Variants in SLC25A26 observed in about 807,000 individuals in gnomAD.
The protein encoded by SLC25A26 is mitochondrial S-adenosylmethionine carrier protein.
A neutral mutation model predicts 37.8 loss-of-function variants in SLC25A26; 36 were observed. The observed-to-expected ratio is 0.95, with a 90% CI of 0.73 to 1.26. The LOEUF (loss-of-function observed/expected upper bound fraction) is 1.26. SLC25A26 is among the 50% of genes most tolerant of loss of function. The pLI, the probability that SLC25A26 is intolerant of heterozygous loss-of-function variation, is 0.00. For synonymous variants in SLC25A26, 129 were observed against 122.5 expected (o/e 1.05, Z -0.35); for missense variants, 390 against 331.1 (o/e 1.18, Z -1.38).
intron 1 of SLC25A26, among the ~76,000 whole-genome samples, chr3:66,202,740 C>T (rs1475006474): frequency 1.3e-5 from 2 of 151,912 alleles, no homozygotes; most frequent in East Asian, 3.9e-4. Context: ...TTAAAAAAAA[C>T]ATTTTAAAAT....
intron 1 of SLC25A26, among the ~76,000 whole-genome samples, chr3:66,211,737 T>C (rs1559578980): frequency 6.6e-6 from 1 of 152,248 alleles, no homozygotes; most frequent in Non-Finnish European, 1.5e-5. Flanking sequence ...TTCACAAGCA[T>C]TTCATTTTTG....
chr3:66,315,080 A>AT (rs58312800), intron 5 of SLC25A26, among the ~76,000 whole-genome samples: 3,651 of 119,238 alleles, frequency 0.031, 88 homozygotes, highest in African/African-American at 0.065. Flanking sequence ...GGATTCTTTG[A>AT]TTTTTTTTTT....
At chr3:66,160,410 A>G (rs1299799419) in intron 1 of SLC25A26, among the ~76,000 whole-genome samples, 3 of 152,226 alleles carry the variant, frequency 2.0e-5, no homozygotes, top group Non-Finnish European at 4.4e-5. Context: ...GCTAATGTTC[A>G]GAGCCAAAAC....
intron 1 of SLC25A26, among the ~76,000 whole-genome samples, chr3:66,187,763 G>T (rs1399510862): frequency 1.3e-5 from 2 of 151,098 alleles, no homozygotes; most frequent in Admixed American, 6.6e-5. Flanking sequence ...ACTGGACCTT[G>T]TCCCTGAGAC....
At chr3:66,359,556 C>T (rs1313482979) in intron 6 of SLC25A26, among the ~76,000 whole-genome samples, 1 of 152,134 alleles carries the variant, frequency 6.6e-6, no homozygotes, top group Non-Finnish European at 1.5e-5. Flanking sequence ...GACCTTTAGT[C>T]ATCAACAGAA....
At chr3:66,308,771 T>C (rs768463535) in intron 5 of SLC25A26, among the ~76,000 whole-genome samples, 2 of 152,226 alleles carry the variant, frequency 1.3e-5, no homozygotes, top group Non-Finnish European at 2.9e-5. Context: ...TTGAAAGCCT[T>C]TTCTGCATCT....
chr3:66,280,581 G>A (rs1388068883), intron 5 of SLC25A26, among the ~76,000 whole-genome samples: 1 of 152,120 alleles, frequency 6.6e-6, no homozygotes, highest in Non-Finnish European at 1.5e-5. Flanking sequence ...AACTCTTAAC[G>A]CTCGTCTAGT....
chr3:66,175,183 CAT>C (rs2070568061), intron 1 of SLC25A26, among the ~76,000 whole-genome samples: 1 of 138,900 alleles, frequency 7.2e-6, no homozygotes, highest in Admixed American at 7.4e-5. Flanking sequence ...TATACACATA[CAT>C]ATATATACAC....
intron 7 of SLC25A26, among the ~76,000 whole-genome samples, chr3:66,365,578 A>C (rs955751730): frequency 5.3e-5 from 8 of 152,202 alleles, no homozygotes; most frequent in Admixed American, 2.0e-4. Flanking sequence ...TTCTCATAAT[A>C]AACACCTCTG....
intron 5 of SLC25A26, among the ~76,000 whole-genome samples, chr3:66,332,573 G>A (rs944557926): frequency 2.0e-5 from 3 of 152,000 alleles, no homozygotes; most frequent in Admixed American, 6.6e-5. Flanking sequence ...GCAGCACTTG[G>A]ATTTTCTTTT....
At chr3:66,310,245 G>T (rs1418595088) in intron 5 of SLC25A26, among the ~76,000 whole-genome samples, 1 of 152,190 alleles carries the variant, frequency 6.6e-6, no homozygotes, top group South Asian at 2.1e-4. Flanking sequence ...CCCCTTTGCC[G>T]TTATGTAATG....
chr3:66,140,055 C>G (rs1312593096), intron 1 of SLC25A26, among the ~76,000 whole-genome samples: 1 of 152,158 alleles, frequency 6.6e-6, no homozygotes, highest in Non-Finnish European at 1.5e-5. Flanking sequence ...GAGATCAGAG[C>G]TTCAGGTATG....
intron 5 of SLC25A26, among the ~76,000 whole-genome samples, chr3:66,323,587 G>A (rs531278745): frequency 2.1e-4 from 32 of 152,252 alleles, no homozygotes; most frequent in African/African-American, 7.7e-4. Context: ...AGGCGGATTG[G>A]TTGAGCCTTA....
intron 1 of SLC25A26, among the ~76,000 whole-genome samples, chr3:66,141,258 C>T (rs967213304): frequency 1.3e-5 from 2 of 151,120 alleles, no homozygotes; most frequent in African/African-American, 2.4e-5. Flanking sequence ...TCAATAATTA[C>T]CAAATATTTT....
chr3:66,300,280 A>C (rs953322757), intron 5 of SLC25A26, among the ~76,000 whole-genome samples: 1 of 71,252 alleles, frequency 1.4e-5, no homozygotes, highest in Non-Finnish European at 3.2e-5. Context: ...TTTTGGTGTT[A>C]TACTGGAATT....
intron 1 of SLC25A26, among the ~76,000 whole-genome samples, chr3:66,228,394 T>C (rs2071857710): frequency 6.6e-6 from 1 of 152,238 alleles, no homozygotes; most frequent in Non-Finnish European, 1.5e-5. Context: ...TTCCAAACCC[T>C]ACTACTACAT....
At chr3:66,170,800 T>G (rs1022055359) in intron 1 of SLC25A26, among the ~76,000 whole-genome samples, 1 of 123,712 alleles carries the variant, frequency 8.1e-6, no homozygotes, top group Non-Finnish European at 1.7e-5. Context: ...TGTTTTTTTT[T>G]TTTTTTTTTT....
chr3:66,285,871 G>A (rs929123067), intron 5 of SLC25A26, among the ~76,000 whole-genome samples: 4 of 152,144 alleles, frequency 2.6e-5, no homozygotes, highest in Admixed American at 6.5e-5. Flanking sequence ...GCCCTTACTA[G>A]AGGGGAAATA....
At chr3:66,193,357 T>A (rs1449818850) in intron 1 of SLC25A26, among the ~76,000 whole-genome samples, 1 of 152,172 alleles carries the variant, frequency 6.6e-6, no homozygotes, top group Non-Finnish European at 1.5e-5. Context: ...CCTTTTTTTG[T>A]CAACAAATTG....
Sources: allele counts gnomAD v4.1 joint callset (sites outside exome capture counted in the v4.1 genomes callset), GRCh38; gene constraint gnomAD v4.1.1; transcripts MANE v1.5; gene names NCBI Gene and HGNC (gene_info 2026-07-23, HGNC 2026-07-21).